The following TBC1D8 variants were observed in gnomAD, a reference collection of about 807,000 sequenced individuals.
TBC1D8 encodes BUB2-like protein 1.
Under a neutral mutation model 118.8 loss-of-function variants are expected in TBC1D8, and 65 were observed. The observed-to-expected ratio is 0.55, with a 90% CI of 0.45 to 0.67. The LOEUF is 0.67. TBC1D8 is among the 30% of genes least tolerant of loss of function. The pLI is 0.00. For missense variants in TBC1D8, 1,376 were observed against 1,471.2 expected (o/e 0.94, Z 1.06); for synonymous variants, 566 against 595.8 (o/e 0.95, Z 0.73).
At chr2:101,150,620 C>T (rs1294927470) in intron 1 of TBC1D8, among the ~76,000 whole-genome samples, 1 of 152,230 alleles carries the variant, frequency 6.6e-6, no homozygotes, top group Non-Finnish European at 1.5e-5. Context: ...CCCCTCCGGG[C>T]GTGGAGACAG....
At chr2:101,022,178 G>A (rs889949205) in intron 16 of TBC1D8, 103 bp downstream of exon 16, 25 of 1,548,588 alleles carry the variant, frequency 1.6e-5, no homozygotes, top group Non-Finnish European at 2.1e-5. Flanking sequence ...AGTCACAAAA[G>A]TGTTACACCA....
At chr2:101,082,863 T>C (rs537040333) in intron 2 of TBC1D8, among the ~76,000 whole-genome samples, 31 of 149,598 alleles carry the variant, frequency 2.1e-4, no homozygotes, top group African/African-American at 7.7e-4. Context: ...GTGATGGTTG[T>C]ACCATTCTGC....
chr2:101,123,974 A>C (rs878903082), intron 1 of TBC1D8, among the ~76,000 whole-genome samples: 4 of 152,132 alleles, frequency 2.6e-5, no homozygotes, highest in Non-Finnish European at 5.9e-5. Flanking sequence ...GGAGTGATTA[A>C]AACATCGGCC....
chr2:101,013,517 G>A (rs567953270), intron 17 of TBC1D8, among the ~76,000 whole-genome samples: 1 of 152,154 alleles, frequency 6.6e-6, no homozygotes. Flanking sequence ...GTTAAAATAA[G>A]ATAAAGGATT....
In TBC1D8 at chr2:101,151,370, T is replaced by G; in HGVS notation, c.-117A>C. On this transcript the variant is annotated 5_prime_UTR_variant, in exon 1 of 20. Transcript: ENST00000409318. ...CGCGCGGGGACCACAGCCCGGCCGGTGCCCAGCGCTCTGAGAGCCCGCGGA... is the reference window on the plus strand; with the variant it reads ...CGCGCGGGGACCACAGCCCGGCCGGGGCCCAGCGCTCTGAGAGCCCGCGGA... The G allele has an allele frequency of 1.0e-6, 1 of 982,680 alleles. No homozygotes were observed. Among genetic ancestry groups the G allele is most frequent in the Non-Finnish European group, 1.3e-6 (1 of 798,312 alleles). 60.9% of individuals were successfully genotyped at this position (982,680 alleles called of 1,614,324 possible).
At chr2:101,123,180 T>C (rs1429580902) in intron 1 of TBC1D8, among the ~76,000 whole-genome samples, 1 of 152,032 alleles carries the variant, frequency 6.6e-6, no homozygotes, top group Non-Finnish European at 1.5e-5. Context: ...CAGTCCACAG[T>C]GAGCTATGGT....
Position 101,038,448 on chromosome 2 carries a change from G to A in TBC1D8, c.1275+13C>T, listed in dbSNP as rs372957331. 13 of 1,612,018 alleles carry A rather than the reference G, an allele frequency of 8.1e-6. No individual in the cohort carries two copies. The highest frequency in any genetic ancestry group is 1.3e-5 in the African/African-American group (1 of 74,914). ...ATGAAGAAGGGGATCATCAGGGTCT[G>A]GAGGGACCATACCATGTCATCATCC... On this transcript the variant is annotated intron_variant, in intron 7 of 19. Coordinates refer to ENST00000409318, the MANE Select transcript of TBC1D8 (RefSeq NM_001330348.2).
In TBC1D8 at chr2:101,050,526, G is replaced by C; in HGVS notation, c.747C>G (p.Phe249Leu). 6.2e-7 allele frequency: 1 copy of C among 1,613,994 alleles called. No homozygotes were observed. The highest frequency in any genetic ancestry group is 8.5e-7 in the Non-Finnish European group (1 of 1,179,890). ...CCTTAAACACCTCATCCAGGTTCAG[G>C]AACATGGAGAAGTCACGCTCCTTAT... ...TQNKERDFSMFLNLDEVFKVM... is the reference protein window; with the variant it reads ...TQNKERDFSMLLNLDEVFKVM... Residue 249 changes from phenylalanine to leucine, a missense_variant, in exon 5 of 20, where the codon TTC becomes TTG. By Grantham distance (22) the Phe-to-Leu change is conservative. Transcript: ENST00000409318.
intron 10 of TBC1D8, among the ~76,000 whole-genome samples, chr2:101,033,128 T>C (rs961335522): frequency 1.5e-4 from 23 of 151,938 alleles, no homozygotes; most frequent in Middle Eastern, 3.4e-3. Flanking sequence ...GTAAATTTTT[T>C]TTTTTTTGAG....
At chr2:101,087,598 A>T (rs1384000101) in intron 2 of TBC1D8, among the ~76,000 whole-genome samples, 1 of 151,150 alleles carries the variant, frequency 6.6e-6, no homozygotes, top group Non-Finnish European at 1.5e-5. Flanking sequence ...AGCTGAGATT[A>T]CAGCATTGCA....
intron 5 of TBC1D8, among the ~76,000 whole-genome samples, chr2:101,044,482 C>T (rs896324325): frequency 1.3e-5 from 2 of 152,246 alleles, no homozygotes; most frequent in African/African-American, 2.4e-5. Flanking sequence ...AACAAAGCCA[C>T]TGCTCACAGC....
At chr2:101,027,536 A>G in intron 14 of TBC1D8, 85 bp from the exon 15 acceptor site, 1 of 1,186,264 alleles carries the variant, frequency 8.4e-7, no homozygotes, top group Non-Finnish European at 1.3e-6. Flanking sequence ...TTCCTCCTGA[A>G]GGGGACACAA....
Position 101,119,130 on chromosome 2 carries a change from C to T in TBC1D8, c.128-28766G>A, listed in dbSNP as rs541153722. Among the ~76,000 whole-genome samples the T allele has an allele frequency of 3.9e-5, 6 of 152,310 alleles. No homozygotes were observed. The South Asian group carries it at 1.2e-3, about 32-fold the overall frequency. On this transcript the variant is annotated intron_variant, in intron 1 of 19. Coordinates refer to ENST00000409318, the MANE Select transcript of TBC1D8 (RefSeq NM_001330348.2). Reference sequence around the variant, plus strand: ...AGCATTTCTACACACCAATAACAATCTAGCTGAGAATGAAATCAAGAAGGC... The same window carrying T: ...AGCATTTCTACACACCAATAACAATTTAGCTGAGAATGAAATCAAGAAGGC...
chr2:101,079,709 G>A (rs867644436), intron 2 of TBC1D8, among the ~76,000 whole-genome samples: 32 of 108,470 alleles, frequency 3.0e-4, no homozygotes, highest in African/African-American at 1.0e-3. Context: ...TTTTTGAGAC[G>A]GAGTCTTGCT....
chr2:101,126,810 A>G (rs1678376897), intron 1 of TBC1D8, among the ~76,000 whole-genome samples: 1 of 152,186 alleles, frequency 6.6e-6, no homozygotes, highest in South Asian at 2.1e-4. Context: ...AGACAAGGTC[A>G]ATTGTAGAAA....
chr2:101,121,378 T>C (rs1423900164), intron 1 of TBC1D8, among the ~76,000 whole-genome samples: 1 of 152,174 alleles, frequency 6.6e-6, no homozygotes, highest in Non-Finnish European at 1.5e-5. Flanking sequence ...CTTGCCACAC[T>C]AGAGGCGGAC....
At chr2:101,085,985 C>CA (rs1256796972) in intron 2 of TBC1D8, among the ~76,000 whole-genome samples, 1 of 151,790 alleles carries the variant, frequency 6.6e-6, no homozygotes, top group African/African-American at 2.4e-5. Context: ...ACTAAAAATA[C>CA]AAAAAAATTA....
In TBC1D8 at chr2:101,044,489, C is replaced by T. The variant is rs147651173; in HGVS notation, c.873-4104G>A. On this transcript the variant is annotated intron_variant, in intron 5 of 19. Transcript: ENST00000409318. ...CCATCAACAACAAAGCCACTGCTCA[C>T]AGCCCGCTTCTCAGACTTTCCAGTA... Among the ~76,000 whole-genome samples, 11 of 152,358 alleles carry T rather than the reference C, an allele frequency of 7.2e-5. No homozygotes were observed. The East Asian group carries it at 2.1e-3, about 29-fold the overall frequency.
At chr2:101,070,410 A>G (rs950620361) in intron 2 of TBC1D8, among the ~76,000 whole-genome samples, 1 of 105,746 alleles carries the variant, frequency 9.5e-6, no homozygotes, top group Non-Finnish European at 1.8e-5. Flanking sequence ...TCTTAAAACA[A>G]ATCTGATTTT....
Sources: allele counts gnomAD v4.1 joint callset (sites outside exome capture counted in the v4.1 genomes callset), GRCh38; gene constraint gnomAD v4.1.1; transcripts MANE v1.5; gene names NCBI Gene and HGNC (gene_info 2026-07-23, HGNC 2026-07-21).